The following CSF2RB variants were observed in gnomAD, a reference collection of about 807,000 sequenced individuals.
CSF2RB encodes the protein cytokine receptor common subunit beta.
A neutral mutation model predicts 67.2 loss-of-function variants in CSF2RB; 22 were observed. The observed-to-expected ratio is 0.33, with a 90% confidence interval of 0.23 to 0.47. CSF2RB has a LOEUF of 0.47. Among genes scored for constraint, CSF2RB ranks in the 20% least tolerant of loss-of-function variants. The probability of loss-of-function intolerance (pLI) is 1.00; values close to 1 mark genes in which losing one functional copy is unlikely to be tolerated. For synonymous variants in CSF2RB, 507 were observed against 482.9 expected (o/e 1.05, Z -0.65); for missense variants, 1,113 against 1,174.5 (o/e 0.95, Z 0.76).
Position 36,939,152 on chromosome 22 carries a change from C to T in CSF2RB, c.*650C>T, listed in dbSNP as rs1027082019. ...GGGGTCGGGGGGGCGGTGCAAGGGACGCACATGAGAGACTGTTTGGGAGCT... is the reference window on the plus strand; with the variant it reads ...GGGGTCGGGGGGGCGGTGCAAGGGATGCACATGAGAGACTGTTTGGGAGCT... On this transcript the variant is annotated 3_prime_UTR_variant, in exon 14 of 14. Transcript: ENST00000403662. 1.3e-5 allele frequency: 9 copies of T among 702,026 alleles called. No homozygotes were observed. The highest frequency in any genetic ancestry group is 3.5e-5 in the African/African-American group (2 of 57,146). The allele number at this position is 702,026 out of a possible 1,614,324, so 43.5% of individuals were successfully genotyped here. A position where few individuals can be genotyped will look rare whatever the true frequency, so the allele number is the denominator to read the frequency against.
intron 10 of CSF2RB, 134 bp downstream of exon 10, chr22:36,934,128 T>C: frequency 2.4e-6 from 3 of 1,250,806 alleles, no homozygotes; most frequent in Non-Finnish European, 3.4e-6. Flanking sequence ...GATTAGATGG[T>C]GGCCAAAGAG....
chr22:36,917,345 AT>A (rs2145767128), intron 1 of CSF2RB, among the ~76,000 whole-genome samples: 1 of 152,102 alleles, frequency 6.6e-6, no homozygotes, highest in East Asian at 1.9e-4. Flanking sequence ...TCTGGAGTGA[AT>A]TTGTATTTTG....
At position 36,922,191 on chromosome 22, in the gene CSF2RB, C is replaced by A; in HGVS notation, c.-17C>A. On this transcript the variant is annotated 5_prime_UTR_variant, in exon 2 of 14. Transcript: ENST00000403662. ...CCACCAGTGCTGGTGCCTGCCTGTCCAGAGCTGACCAGGGAGATGGTGCTG... is the reference window on the plus strand; with the variant it reads ...CCACCAGTGCTGGTGCCTGCCTGTCAAGAGCTGACCAGGGAGATGGTGCTG... The A allele has an allele frequency of 6.3e-7, 1 of 1,575,686 alleles. No homozygotes were observed. The highest frequency in any genetic ancestry group is 1.3e-5 in the African/African-American group (1 of 74,410).
chr22:36,916,740 T>C (rs1940724455), intron 1 of CSF2RB, among the ~76,000 whole-genome samples: 2 of 152,080 alleles, frequency 1.3e-5, no homozygotes, highest in Non-Finnish European at 2.9e-5. Flanking sequence ...GCACCTGTAA[T>C]CCCAGCTACT....
chr22:36,930,884 T>C (rs903442749), intron 8 of CSF2RB, 54 bp downstream of exon 8: 2 of 1,600,874 alleles, frequency 1.2e-6, no homozygotes, highest in Middle Eastern at 1.7e-4. Context: ...CACACCCTCA[T>C]TGTGTAACCC....
chr22:36,930,577 C>T, intron 7 of CSF2RB, 67 bp downstream of exon 7: 1 of 1,611,350 alleles, frequency 6.2e-7, no homozygotes, highest in East Asian at 2.2e-5. Flanking sequence ...TTCCTCCTGT[C>T]CCTGGGGCCC....
chr22:36,928,532 T>A (rs1328669905), intron 4 of CSF2RB, among the ~76,000 whole-genome samples: 1 of 152,208 alleles, frequency 6.6e-6, no homozygotes, highest in Non-Finnish European at 1.5e-5. Flanking sequence ...ACATCCTATG[T>A]GTGAGGATGT....
intron 1 of CSF2RB, among the ~76,000 whole-genome samples, chr22:36,918,642 C>T (rs188320574): frequency 2.0e-5 from 3 of 152,306 alleles, no homozygotes; most frequent in Admixed American, 2.0e-4. Flanking sequence ...ATTGAGTGGC[C>T]TCTTGTCTCC....
At chr22:36,925,068 C>T (rs1426191312) in intron 3 of CSF2RB, among the ~76,000 whole-genome samples, 2 of 152,238 alleles carry the variant, frequency 1.3e-5, no homozygotes, top group South Asian at 2.1e-4. Flanking sequence ...ACCAAAGTCC[C>T]GCTCTCACCC....
Position 36,939,414 on chromosome 22 carries a change from G to T in CSF2RB, c.*912G>T, listed in dbSNP as rs372358383. On this transcript the variant is annotated 3_prime_UTR_variant, in exon 14 of 14. Coordinates refer to ENST00000403662, the MANE Select transcript of CSF2RB (RefSeq NM_000395.3). The stretch of plus-strand genomic sequence containing the variant: ...TTAGGGCCTTTGGTCCAAATGGCCC[G>T]GGTGGCCACTCTTCCAGATAGACCA... 37 of 606,610 alleles carry T rather than the reference G, an allele frequency of 6.1e-5. No individual in the cohort carries two copies. Among genetic ancestry groups the T allele is most frequent in the African/African-American group, 4.8e-4 (26 of 54,380 alleles). The allele number at this position is 606,610 out of a possible 1,614,324, so 37.6% of individuals were successfully genotyped here.
At chr22:36,932,382 C>G (rs1185823115) in intron 8 of CSF2RB, among the ~76,000 whole-genome samples, 1 of 145,224 alleles carries the variant, frequency 6.9e-6, no homozygotes. Context: ...TTGCAGTTAG[C>G]CAAGATCACA....
chr22:36,927,608 G>T (rs1327998932), intron 4 of CSF2RB, among the ~76,000 whole-genome samples: 2 of 152,186 alleles, frequency 1.3e-5, no homozygotes, highest in Non-Finnish European at 2.9e-5. Context: ...GTGGGAAGAA[G>T]CAGGAGACAC....
At chr22:36,932,008 G>C (rs1941154534) in intron 8 of CSF2RB, among the ~76,000 whole-genome samples, 2 of 152,298 alleles carry the variant, frequency 1.3e-5, no homozygotes, top group Middle Eastern at 3.4e-3. Flanking sequence ...CCTTTCCTTA[G>C]GGCAAGTTAC....
In CSF2RB at chr22:36,926,150, C is replaced by A. The variant is rs202034054; in HGVS notation, c.364C>A (p.Arg122=). Residue 122 remains arginine, a synonymous_variant, in exon 4 of 14, where the codon CGG becomes AGG. Transcript: ENST00000403662. ...CCAACCAGACAGGCCTCTGGGCACCCGGCTCACCGTCACTCTGACCCAGCA... is the reference window on the plus strand; with the variant it reads ...CCAACCAGACAGGCCTCTGGGCACCAGGCTCACCGTCACTCTGACCCAGCA... ...SFQPDRPLGT[R]LTVTLTQHVQ... The A allele has an allele frequency of 3.7e-5, 59 of 1,614,042 alleles. No homozygotes were observed. Among genetic ancestry groups the A allele is most frequent in the Non-Finnish European group, 4.9e-5 (58 of 1,180,046 alleles).
intron 6 of CSF2RB, 95 bp downstream of exon 6, chr22:36,929,902 G>A: frequency 2.0e-6 from 3 of 1,484,766 alleles, no homozygotes; most frequent in Admixed American, 2.1e-5. Context: ...CCACCTGGGG[G>A]CTTCCCAGAT....
chr22:36,915,243 C>T (rs1381802546), intron 1 of CSF2RB, among the ~76,000 whole-genome samples: 2 of 152,014 alleles, frequency 1.3e-5, no homozygotes, highest in African/African-American at 2.4e-5. Flanking sequence ...AGCCACCACA[C>T]GTGGCTAATT....
In CSF2RB at chr22:36,929,427, GCAGATCAGCACCGACCAGGACCA is replaced by G; in HGVS notation, c.419_441del (p.Gln140LeufsTer25). On this transcript the variant is annotated frameshift_variant, in exon 5 of 14. Coordinates refer to ENST00000403662, the MANE Select transcript of CSF2RB (RefSeq NM_000395.3). LOFTEE classifies it high-confidence loss of function. ...TCCAGCCTCCTGAGCCCAGGGACCTGCAGATCAGCACCGACCAGGACCACTTCCTGCTGACCTGGAGTGTGGCC... is the reference window on the plus strand; with the variant it reads ...TCCAGCCTCCTGAGCCCAGGGACCTGCTTCCTGCTGACCTGGAGTGTGGCC... The G allele has an allele frequency of 6.2e-7, 1 of 1,614,170 alleles. No homozygotes were observed. Among genetic ancestry groups the G allele is most frequent in the Non-Finnish European group, 8.5e-7 (1 of 1,180,028 alleles).
Position 36,938,217 on chromosome 22 carries a change from GT to G in CSF2RB, c.2410del (p.Ser804ProfsTer48). ...ACCCAGGGGAACGCCCGGCAGATGT[GT>G]CCCCAACATCCCCACAGCCCGAGGG... Reference protein sequence around the residue: ...LNPGERPADVSPTSPQPEGLL... With the variant: ...LNPGERPADVXPTSPQPEGLL... On this transcript the variant is annotated frameshift_variant, in exon 14 of 14. Coordinates refer to ENST00000403662, the MANE Select transcript of CSF2RB (RefSeq NM_000395.3). LOFTEE classifies it low-confidence loss of function (END_TRUNC). 3 of 1,614,152 alleles carry G rather than the reference GT, an allele frequency of 1.9e-6. No individual in the cohort carries two copies. The highest frequency in any genetic ancestry group is 1.7e-6 in the Non-Finnish European group (2 of 1,180,008).
chr22:36,930,316 C>G, intron 6 of CSF2RB, 59 bp from the exon 7 acceptor site: 2 of 1,610,282 alleles, frequency 1.2e-6, no homozygotes, highest in South Asian at 2.2e-5. Flanking sequence ...GGTGGGCACC[C>G]ACTGAGAGCT....
Sources: allele counts gnomAD v4.1 joint callset (sites outside exome capture counted in the v4.1 genomes callset), GRCh38; gene constraint gnomAD v4.1.1; transcripts MANE v1.5; gene names NCBI Gene and HGNC (gene_info 2026-07-23, HGNC 2026-07-21).